TDRD9: variants seen among roughly 807,000 people sequenced by gnomAD.
TDRD9 encodes the protein tudor domain containing 9.
A neutral mutation model predicts 172.6 loss-of-function variants in TDRD9; 124 were observed. The observed-to-expected ratio is 0.72, with a 90% CI of 0.62 to 0.83. The LOEUF is 0.83. TDRD9 is among the 40% of genes least tolerant of loss of function. TDRD9 has a pLI of 0.00. For missense variants in TDRD9, 1,479 were observed against 1,714.1 expected, an observed-to-expected ratio of 0.86 and a Z score of 2.42; for synonymous variants, 619 against 617.1, an observed-to-expected ratio of 1.00 and a Z score of -0.05.
At chr14:104,013,863 C>CA (rs770429966) in intron 20 of TDRD9, 6 of 151,864 alleles carry the variant, frequency 4.0e-5, no homozygotes, top group Admixed American at 6.6e-5. Flanking sequence ...CTGTGTTGAT[C>CA]CGTGTGGGAT....
intron 24 of TDRD9, among the ~76,000 whole-genome samples, chr14:104,022,597 C>T (rs1368840052): frequency 1.3e-5 from 2 of 152,106 alleles, no homozygotes; most frequent in African/African-American, 2.4e-5. Flanking sequence ...CATGGTCGCA[C>T]ACACCTTTAA....
chr14:103,966,914 C>T, intron 5 of TDRD9, 83 bp downstream of exon 5: 1 of 1,229,408 alleles, frequency 8.1e-7, no homozygotes. Flanking sequence ...TGTCTTTGTG[C>T]CTGTCTCAGC....
chr14:103,928,546 T>G lies in TDRD9; in HGVS notation c.37T>G (p.Trp13Gly). Residue 13 changes from tryptophan to glycine, a missense_variant, in exon 1 of 36, where the codon TGG becomes GGG. Trp to Gly is a radical substitution (Grantham distance 184, BLOSUM62 -2). This residue lies in a region of TDRD9 where 63 missense variants were observed against 48.4 expected (regional missense o/e 1.30). Coordinates refer to ENST00000409874, the MANE Select transcript of TDRD9 (RefSeq NM_153046.3). ...RKLTIEQIND[W>G]FTIGKTVTNV... is the part of the protein sequence containing the mutation. Reference sequence around the variant, plus strand: ...GCTCACCATCGAGCAGATCAACGACTGGTTCACCATCGGCAAGACGGTGAC... The same window carrying G: ...GCTCACCATCGAGCAGATCAACGACGGGTTCACCATCGGCAAGACGGTGAC... The G allele has an allele frequency of 7.2e-7, 1 of 1,391,400 alleles. No individual in the cohort carries two copies. The highest frequency in any genetic ancestry group is 9.4e-7 in the Non-Finnish European group (1 of 1,060,068). The allele number at this position is 1,391,400 out of a possible 1,614,324, so 86.2% of individuals were successfully genotyped here.
chr14:103,981,216 T>C (rs1235776106), intron 7 of TDRD9, among the ~76,000 whole-genome samples: 1 of 152,124 alleles, frequency 6.6e-6, no homozygotes, highest in Non-Finnish European at 1.5e-5. Context: ...CTCTGACTAG[T>C]TTGAAATGTG....
chr14:104,015,905 G>A, intron 21 of TDRD9, 76 bp from the exon 22 acceptor site: 4 of 1,029,362 alleles, frequency 3.9e-6, no homozygotes, highest in Non-Finnish European at 5.7e-6. Context: ...TATCATGCTG[G>A]GTTGAGATTA....
rs771446049 is a variant in TDRD9 at position 103,975,565 on chromosome 14, T to C, written c.1011+12T>C. 1.3e-6 allele frequency: 2 copies of C among 1,586,032 alleles called. No individual in the cohort carries two copies. The highest frequency in any genetic ancestry group is 2.3e-5 in the South Asian group (2 of 87,774). ...TTCATCATAGCAAGGTATGTTAGAA[T>C]GTGCTGTTTCTTTTATAGTGAGCGT... On this transcript the variant is annotated intron_variant, in intron 7 of 35. Transcript: ENST00000409874.
chr14:104,007,430 G>C (rs778275817), intron 19 of TDRD9, among the ~76,000 whole-genome samples: 1 of 152,200 alleles, frequency 6.6e-6, no homozygotes, highest in Non-Finnish European at 1.5e-5. Flanking sequence ...TCTCAGGCCT[G>C]TGCTGGAGCT....
intron 8 of TDRD9, among the ~76,000 whole-genome samples, chr14:103,986,543 T>C (rs2033667470): frequency 6.6e-6 from 1 of 152,238 alleles, no homozygotes; most frequent in African/African-American, 2.4e-5. Flanking sequence ...TTAGGACTGA[T>C]AGTTTTAAAA....
chr14:103,968,772 G>T (rs1181479337), intron 5 of TDRD9, among the ~76,000 whole-genome samples: 13 of 23,942 alleles, frequency 5.4e-4, no homozygotes, highest in South Asian at 5.1e-3. Context: ...CTCCAGCCTG[G>T]GCGACAGAGT....
chr14:103,937,168 G>T (rs2030822176), intron 1 of TDRD9, among the ~76,000 whole-genome samples: 1 of 152,298 alleles, frequency 6.6e-6, no homozygotes, highest in Middle Eastern at 3.4e-3. Context: ...GTGATCTCCT[G>T]TGGCATCGAC....
chr14:104,018,261 G>A, intron 23 of TDRD9, 69 bp downstream of exon 23: 4 of 1,035,954 alleles, frequency 3.9e-6, no homozygotes, highest in Non-Finnish European at 5.7e-6. Flanking sequence ...TCCAGACGCT[G>A]ATTGTTAAAA....
At chr14:103,959,499 C>G (rs1478588692) in intron 2 of TDRD9, among the ~76,000 whole-genome samples, 3 of 136,822 alleles carry the variant, frequency 2.2e-5, no homozygotes. Flanking sequence ...CATACACACA[C>G]ACACACACAG....
Position 103,974,893 on chromosome 14 carries a change from C to T in TDRD9, c.847-496C>T, listed in dbSNP as rs8014751. Among the ~76,000 whole-genome samples the T allele has an allele frequency of 7.4e-3, 1,124 of 152,114 alleles. 12 individuals carry two copies. The highest frequency in any genetic ancestry group is 0.025 in the African/African-American group (1,032 of 41,524). On this transcript the variant is annotated intron_variant, in intron 6 of 35. Coordinates refer to ENST00000409874, the MANE Select transcript of TDRD9 (RefSeq NM_153046.3). Reference sequence around the variant, plus strand: ...GGCCCAAGATTACAGGCATGAGCCACGGCACCTGGCCTTACTCTTTTTTTA... The same window carrying T: ...GGCCCAAGATTACAGGCATGAGCCATGGCACCTGGCCTTACTCTTTTTTTA...
At chr14:103,930,239 T>G (rs1485690923) in intron 1 of TDRD9, among the ~76,000 whole-genome samples, 1 of 151,504 alleles carries the variant, frequency 6.6e-6, no homozygotes, top group East Asian at 1.9e-4. Flanking sequence ...CAGGCTGGAG[T>G]GCAGTGGCGC....
chr14:104,050,907 T>C (rs1299637446), intron 35 of TDRD9, among the ~76,000 whole-genome samples: 1 of 152,248 alleles, frequency 6.6e-6, no homozygotes, highest in Non-Finnish European at 1.5e-5. Flanking sequence ...CACATTTACA[T>C]AGGCATGCAT....
At chr14:103,976,299 A>T (rs1296463926) in intron 7 of TDRD9, among the ~76,000 whole-genome samples, 3 of 149,412 alleles carry the variant, frequency 2.0e-5, no homozygotes, top group Non-Finnish European at 4.4e-5. Context: ...TTCGAGACAG[A>T]GTCTTGCTCT....
At chr14:104,049,114 GTATGTA>G (rs60021471) in intron 34 of TDRD9, among the ~76,000 whole-genome samples, 59,749 of 125,090 alleles carry the variant, frequency 0.48, 12,261 homozygotes, top group South Asian at 0.6. Context: ...ATGTATGTAT[GTATGTA>G]TGTGTGTGTG....
Position 104,004,260 on chromosome 14 carries a change from A to T in TDRD9, c.1506A>T (p.Arg502Ser), listed in dbSNP as rs776966060. The change falls in exon 14 of 36, where the codon AGA (arginine) becomes AGT (serine). Residue 502 changes from arginine (R) to serine (S), a missense_variant. Arg to Ser is a moderately radical substitution (Grantham distance 110). Coordinates refer to ENST00000409874, the MANE Select transcript of TDRD9 (RefSeq NM_153046.3). ...QRKGRAGRVSRGYCYRLVHKD... is the reference protein window; with the variant it reads ...QRKGRAGRVSSGYCYRLVHKD... ...AAGGCCGTGCTGGACGAGTGTCTAG[A>T]GGGTACTGTTACCGGCTGGTACACA... is the stretch of plus-strand genomic sequence containing the variant. 4 of 1,599,458 alleles carry T rather than the reference A, an allele frequency of 2.5e-6. No individual in the cohort carries two copies. The highest frequency in any genetic ancestry group is 3.4e-6 in the Non-Finnish European group (4 of 1,169,542).
At chr14:104,025,443 G>C in intron 25 of TDRD9, 121 bp from the exon 26 acceptor site, 1 of 725,080 alleles carries the variant, frequency 1.4e-6, no homozygotes, top group Admixed American at 2.8e-5. Flanking sequence ...CTTATGTTCC[G>C]AGGATTAACG....
Sources: gnomAD v4.1 joint callset for allele counts (sites outside exome capture counted in the v4.1 genomes callset) on GRCh38, gnomAD v4.1.1 for gene constraint, gnomAD v4.1.1 regional missense constraint, MANE v1.5 for transcripts, NCBI Gene and HGNC (gene_info 2026-07-23, HGNC 2026-07-21) for gene names.